Variants in CLEC4M observed in about 807,000 individuals in gnomAD.
The protein encoded by CLEC4M is C-type lectin domain family 4 member M, also known as CD209 antigen-like protein 1.
A neutral mutation model predicts 39.1 loss-of-function variants in CLEC4M; 25 were observed. The ratio of observed to expected loss-of-function variants is 0.64; its 90% confidence interval spans 0.47 to 0.89. CLEC4M has a LOEUF of 0.89. Ranked by LOEUF, CLEC4M falls within the 40% of genes least tolerant of loss-of-function variation. The pLI is 0.00. For missense variants in CLEC4M, 353 were observed against 431.4 expected (o/e 0.82, Z 1.61); for synonymous variants, 155 against 177.4 (o/e 0.87, Z 1.00).
At chr19:7,764,707 G>C (rs1436140198) in intron 2 of CLEC4M, among the ~76,000 whole-genome samples, 3 of 152,014 alleles carry the variant, frequency 2.0e-5, no homozygotes, top group African/African-American at 4.8e-5. Context: ...TAGCCAGGAT[G>C]GTCTTGATCT....
chr19:7,763,728 T>G (rs1294135603), intron 2 of CLEC4M, among the ~76,000 whole-genome samples: 1 of 141,454 alleles, frequency 7.1e-6, no homozygotes, highest in Non-Finnish European at 1.5e-5. Context: ...CCTACAGAGG[T>G]GGGGGTTGGA....
chr19:7,767,487 T>G, intron 5 of CLEC4M, 29 bp from the exon 6 acceptor site: 2 of 1,550,806 alleles, frequency 1.3e-6, no homozygotes, highest in Non-Finnish European at 1.8e-6. Flanking sequence ...GAAGCAGAGC[T>G]CCCTCCTGAC....
chr19:7,766,122 G>T lies in CLEC4M; in HGVS notation c.699G>T (p.Gln233His). ...KLQEIYQELT[Q>H]LKAAVGELPD... Reference sequence around the variant, plus strand: ...AGGAGATCTACCAGGAGCTGACCCAGCTGAAGGCTGCAGTGGGTGAGTTGC... The same window carrying T: ...AGGAGATCTACCAGGAGCTGACCCATCTGAAGGCTGCAGTGGGTGAGTTGC... Residue 233 changes from glutamine to histidine, a missense_variant, in exon 4 of 7, where the codon CAG (glutamine) becomes CAT (histidine). Coordinates refer to ENST00000327325, the MANE Select transcript of CLEC4M (RefSeq NM_014257.5). The T allele has an allele frequency of 6.2e-7, 1 of 1,613,952 alleles. No individual in the cohort carries two copies. The highest frequency in any genetic ancestry group is 8.5e-7 in the Non-Finnish European group (1 of 1,179,982).
rs142098305 is a variant in CLEC4M at position 7,765,685 on chromosome 19, G to T, written c.262G>T (p.Ala88Ser). The change falls in exon 4 of 7, where the codon GCA becomes TCA. Residue 88 changes from alanine to serine, a missense_variant. Coordinates refer to ENST00000327325, the MANE Select transcript of CLEC4M (RefSeq NM_014257.5). The stretch of plus-strand genomic sequence containing the variant: ...AAGTCAGGAACAATCCGAGCAAGAC[G>T]CAATCTACCAGAACCTGACCCAGCT... ...SLSQEQSEQD[A>S]IYQNLTQLKA... The T allele has an allele frequency of 6.8e-6, 11 of 1,614,234 alleles. No individual in the cohort carries two copies. The highest frequency in any genetic ancestry group is 9.3e-6 in the Non-Finnish European group (11 of 1,180,046).
Position 7,765,133 on chromosome 19 carries a change from G to A in CLEC4M, c.131-52G>A, listed in dbSNP as rs1441859666. ...GAGGGATTAGGCCAGGCTCTCCCTGGGCCAGGCTCAGGTGGGAACACTGGC... is the reference window on the plus strand; with the variant it reads ...GAGGGATTAGGCCAGGCTCTCCCTGAGCCAGGCTCAGGTGGGAACACTGGC... On this transcript the variant is annotated intron_variant, in intron 2 of 6. Transcript: ENST00000327325. 5 of 1,592,094 alleles carry A rather than the reference G, an allele frequency of 3.1e-6. No individual in the cohort carries two copies. In the East Asian group the frequency reaches 8.9e-5, roughly 28 times the overall value.
chr19:7,767,823 A>G lies in CLEC4M; in HGVS notation c.1049+195A>G, dbSNP rs2034346400. ...GAAAGGTGCCAAGAATTCCACCAGC[A>G]GAGCTGCAGGAGGAGCTTGCCCTGT... On this transcript the variant is annotated intron_variant, in intron 6 of 6. Coordinates refer to ENST00000327325, the MANE Select transcript of CLEC4M (RefSeq NM_014257.5). 3 of 561,994 alleles carry G rather than the reference A, an allele frequency of 5.3e-6. No homozygotes were observed. The South Asian group carries it at 6.7e-5, about 13-fold the overall frequency. 34.8% of individuals were successfully genotyped at this position (561,994 alleles called of 1,614,324 possible).
At chr19:7,766,375 G>A in intron 4 of CLEC4M, 168 bp downstream of exon 4, 2 of 1,471,076 alleles carry the variant, frequency 1.4e-6, no homozygotes, top group Non-Finnish European at 9.0e-7. Context: ...CAGGCACACA[G>A]TAGACACTCA....
At chr19:7,767,850 G>A in intron 6 of CLEC4M, 1 of 519,748 alleles carries the variant, frequency 1.9e-6, no homozygotes, top group Non-Finnish European at 3.5e-6. Context: ...TTGCCCTGTG[G>A]GTAGGTGTGT....
At position 7,769,124 on chromosome 19, in the gene CLEC4M, A is replaced by C; in HGVS notation, c.*136A>C. The C allele has an allele frequency of 2.4e-6, 2 of 836,396 alleles. No individual in the cohort carries two copies. The highest frequency in any genetic ancestry group is 3.7e-6 in the Non-Finnish European group (2 of 545,048). The allele number at this position is 836,396 out of a possible 1,614,324, so 51.8% of individuals were successfully genotyped here. On this transcript the variant is annotated 3_prime_UTR_variant, in exon 7 of 7. Transcript: ENST00000327325. ...TTCTCTGTTCGATTTTTCATCCCCT[A>C]TGAACCTGGGTCTTATTCTGTCCTT... is the stretch of plus-strand genomic sequence containing the variant.
chr19:7,767,858 T>C (rs755980246), intron 6 of CLEC4M: 113 of 501,458 alleles, frequency 2.3e-4, no homozygotes, highest in Non-Finnish European at 3.7e-4. Context: ...TGGGTAGGTG[T>C]GTTAAAATAC....
Position 7,768,964 on chromosome 19 carries a change from C to G in CLEC4M, c.1176C>G (p.Pro392=), listed in dbSNP as rs772410957. The G allele has an allele frequency of 1.1e-5, 18 of 1,613,962 alleles. No individual in the cohort carries two copies. The highest frequency in any genetic ancestry group is 1.6e-4 in the Middle Eastern group (1 of 6,084). The change falls in exon 7 of 7, where the codon CCC becomes CCG. Residue 392 remains proline, a synonymous_variant. Transcript: ENST00000327325. ...DVDNYWICKK[P]AACFRDE ...ACAATTACTGGATCTGCAAAAAGCC[C>G]GCAGCCTGCTTCAGAGACGAATAGT...
At chr19:7,768,369 AT>A (rs1362127911) in intron 6 of CLEC4M, 11 of 155,358 alleles carry the variant, frequency 7.1e-5, no homozygotes, top group African/African-American at 2.7e-4. Context: ...AGGTCAAGAG[AT>A]CAAAACCATG....
At position 7,768,946 on chromosome 19, in the gene CLEC4M, C is replaced by G; in HGVS notation, c.1158C>G (p.Tyr386Ter). 6.2e-7 allele frequency: 1 copy of G among 1,614,162 alleles called. No individual in the cohort carries two copies. Among genetic ancestry groups the G allele is most frequent in the Non-Finnish European group, 8.5e-7 (1 of 1,180,008 alleles). Residue 386 changes from tyrosine (Y) to a stop codon, truncating the protein, a stop_gained, in exon 7 of 7, where the codon TAC becomes TAG. Coordinates refer to ENST00000327325, the MANE Select transcript of CLEC4M (RefSeq NM_014257.5). LOFTEE classifies it low-confidence loss of function (END_TRUNC). ...WNDNRCDVDNYWICKKPAACF... is the reference protein window; with the variant it reads ...WNDNRCDVDN ...ACAATCGATGTGACGTTGACAATTA[C>G]TGGATCTGCAAAAAGCCCGCAGCCT...
intron 3 of CLEC4M, 65 bp downstream of exon 3, chr19:7,765,333 G>A (rs2034207360): frequency 1.3e-6 from 2 of 1,559,308 alleles, no homozygotes; most frequent in Non-Finnish European, 1.8e-6. Context: ...AACAGAGCCT[G>A]GAGTGGCCAG....
intron 6 of CLEC4M, 92 bp downstream of exon 6, chr19:7,767,720 C>T (rs2034342382): frequency 9.2e-7 from 1 of 1,085,020 alleles, no homozygotes; most frequent in Non-Finnish European, 1.4e-6. Context: ...CCCCAACCTC[C>T]CTGACCCCAT....
intron 5 of CLEC4M, 113 bp downstream of exon 5, chr19:7,766,920 T>A (rs1049862209): frequency 2.6e-6 from 4 of 1,550,818 alleles, no homozygotes; most frequent in African/African-American, 1.4e-5. Flanking sequence ...TTTGGAAAGA[T>A]GGGAAGAGAA....
intron 2 of CLEC4M, 96 bp downstream of exon 2, chr19:7,763,572 T>C (rs71581946): frequency 4.0e-4 from 427 of 1,058,932 alleles, no homozygotes; most frequent in Middle Eastern, 1.1e-3. Flanking sequence ...TCCTGGGTTC[T>C]GGGGAAGGAA....
intron 5 of CLEC4M, 98 bp downstream of exon 5, chr19:7,766,905 C>G: frequency 6.3e-7 from 1 of 1,582,318 alleles, no homozygotes; most frequent in South Asian, 1.1e-5. Flanking sequence ...AGGGGCTTTG[C>G]TCTATTTGGA....
At position 7,768,865 on chromosome 19, in the gene CLEC4M, A is replaced by G; in HGVS notation, c.1077A>G (p.Glu359=). ...TCCAGCGGTACTGGAACAGTGGAGA[A>G]CCCAACAATAGCGGGAATGAAGACT... ...PSFQRYWNSG[E]PNNSGNEDCA... Residue 359 remains glutamate (E), a synonymous_variant, in exon 7 of 7, where the codon GAA becomes GAG. Transcript: ENST00000327325. 6 of 1,614,166 alleles carry G rather than the reference A, an allele frequency of 3.7e-6. No individual in the cohort carries two copies. Among genetic ancestry groups the G allele is most frequent in the Non-Finnish European group, 3.4e-6 (4 of 1,180,006 alleles).
Sources: gnomAD v4.1 joint callset for allele counts (sites outside exome capture counted in the v4.1 genomes callset) on GRCh38, gnomAD v4.1.1 for gene constraint, MANE v1.5 for transcripts, NCBI Gene and HGNC (gene_info 2026-07-23, HGNC 2026-07-21) for gene names.